The following CHODL variants were observed in gnomAD, a reference collection of about 807,000 sequenced individuals.
CHODL encodes transmembrane protein MT75.
Under a neutral mutation model 34.5 loss-of-function variants are expected in CHODL, and 29 were observed. The observed-to-expected ratio is 0.84, with a 90% CI of 0.63 to 1.15. CHODL has a LOEUF of 1.15. CHODL is among the 50% of genes most tolerant of loss of function. The pLI is 0.00. For synonymous variants in CHODL, 125 were observed against 116.1 expected (o/e 1.08, Z -0.49); for missense variants, 332 against 332.5 (o/e 1.00, Z 0.01).
intron 2 of CHODL, among the ~76,000 whole-genome samples, chr21:18,168,225 T>C (rs2073181885): frequency 6.6e-6 from 1 of 152,212 alleles, no homozygotes; most frequent in Admixed American, 6.5e-5. Flanking sequence ...AGCTTGCAGA[T>C]GGTGGGACTT....
rs1250169835 is a variant in CHODL, at chr21:18,022,362, T to A, written c.-144-5510T>A. 3.9e-5 allele frequency: 6 copies of A among 152,198 alleles called. 1 individual carries two copies. The highest frequency in any genetic ancestry group is 1.4e-4 in the African/African-American group (6 of 41,444). 9.4% of individuals were successfully genotyped at this position (152,198 alleles called of 1,614,324 possible). A position where few individuals can be genotyped will look rare whatever the true frequency, so the allele number is the denominator to read the frequency against. ...CTCATATTTTCTTGTCTTTCTCATA[T>A]AAGAATATTTTTCTTTGGATATAGG... On this transcript the variant is annotated intron_variant, in intron 1 of 6. Transcript: ENST00000400127.
At chr21:17,998,990 T>G (rs989229865) in intron 1 of CHODL, among the ~76,000 whole-genome samples, 1 of 152,364 alleles carries the variant, frequency 6.6e-6, no homozygotes, top group East Asian at 1.9e-4. Flanking sequence ...CCTACTGCAT[T>G]GTCAGGCTGC....
intron 1 of CHODL, among the ~76,000 whole-genome samples, chr21:18,252,854 A>G (rs2074274133): frequency 6.6e-6 from 1 of 152,000 alleles, no homozygotes; most frequent in Non-Finnish European, 1.5e-5. Flanking sequence ...CCGTGCAGCC[A>G]TCACAAGCTC....
At chr21:18,070,025 T>TTCCCTTCCCTTCCCTTCC (rs1555860424) in intron 2 of CHODL, among the ~76,000 whole-genome samples, 31 of 29,128 alleles carry the variant, frequency 1.1e-3, no homozygotes, top group Non-Finnish European at 2.3e-3. Flanking sequence ...TTCCCTTCCC[T>TTCCCTTCCCTTCCCTTCC]CCCCCCCCCC....
chr21:18,166,589 GATGT>G (rs1264118791), intron 2 of CHODL, among the ~76,000 whole-genome samples: 2 of 152,010 alleles, frequency 1.3e-5, no homozygotes, highest in Non-Finnish European at 2.9e-5. Context: ...CGGGGTTTGA[GATGT>G]ATGTGAGTAC....
chr21:18,141,622 G>A (rs1456568654), intron 2 of CHODL, among the ~76,000 whole-genome samples: 3 of 151,782 alleles, frequency 2.0e-5, no homozygotes, highest in Non-Finnish European at 1.5e-5. Flanking sequence ...GCGGCATTTG[G>A]AAATGCCTAG....
At chr21:17,958,719 C>A (rs950292484) in intron 1 of CHODL, among the ~76,000 whole-genome samples, 2 of 152,114 alleles carry the variant, frequency 1.3e-5, no homozygotes, top group East Asian at 3.9e-4. Context: ...TCTAAAATTT[C>A]TGGAAATATC....
At chr21:18,154,217 C>T (rs1361838219) in intron 2 of CHODL, among the ~76,000 whole-genome samples, 2 of 152,130 alleles carry the variant, frequency 1.3e-5, no homozygotes, top group African/African-American at 4.8e-5. Context: ...TTTATTTACT[C>T]AGCAATATAT....
At chr21:18,040,396 A>G (rs1299817365) in intron 2 of CHODL, among the ~76,000 whole-genome samples, 1 of 151,886 alleles carries the variant, frequency 6.6e-6, no homozygotes. Context: ...GTGGCTCACC[A>G]AAGTACAGGC....
At chr21:17,977,913 C>A in intron 1 of CHODL, among the ~76,000 whole-genome samples, 1 of 19,698 alleles carries the variant, frequency 5.1e-5, no homozygotes, top group South Asian at 8.8e-4. Context: ...GCAACACTCC[C>A]ATCTCAAAAA....
At chr21:18,068,569 C>G (rs926483826) in intron 2 of CHODL, among the ~76,000 whole-genome samples, 1 of 152,180 alleles carries the variant, frequency 6.6e-6, no homozygotes, top group African/African-American at 2.4e-5. Context: ...CTTAATCCAA[C>G]TGGGCCTCAT....
chr21:17,929,612 G>A (rs2063255275), intron 1 of CHODL, among the ~76,000 whole-genome samples: 1 of 152,204 alleles, frequency 6.6e-6, no homozygotes, highest in African/African-American at 2.4e-5. Flanking sequence ...AGGGCTGAGT[G>A]AGCAACCCCT....
At chr21:18,044,667 T>A (rs2064419751) in intron 2 of CHODL, among the ~76,000 whole-genome samples, 1 of 151,916 alleles carries the variant, frequency 6.6e-6, no homozygotes, top group South Asian at 2.1e-4. Context: ...TTCCTTTAGA[T>A]CGATTACAAT....
At chr21:18,262,584 T>A (rs1489644050) in intron 4 of CHODL, among the ~76,000 whole-genome samples, 2 of 152,216 alleles carry the variant, frequency 1.3e-5, no homozygotes, top group African/African-American at 4.8e-5. Context: ...CACTGTCACA[T>A]ATGTGATGCA....
At chr21:18,128,169 C>T (rs530146371) in intron 2 of CHODL, among the ~76,000 whole-genome samples, 2 of 150,794 alleles carry the variant, frequency 1.3e-5, no homozygotes, top group Admixed American at 6.6e-5. Flanking sequence ...GGCGTGGTGG[C>T]GGGCGCCTGT....
intron 1 of CHODL, among the ~76,000 whole-genome samples, chr21:17,969,825 G>A (rs1341168234): frequency 6.6e-6 from 1 of 152,120 alleles, no homozygotes; most frequent in African/African-American, 2.4e-5. Flanking sequence ...ATGACTTTAA[G>A]GCTTCTTAAT....
chr21:18,053,008 C>T (rs1328678818), intron 2 of CHODL, among the ~76,000 whole-genome samples: 1 of 151,830 alleles, frequency 6.6e-6, no homozygotes, highest in Non-Finnish European at 1.5e-5. Context: ...ATTAGGTACA[C>T]TGTGTGCATT....
intron 2 of CHODL, among the ~76,000 whole-genome samples, chr21:18,205,065 A>G (rs925577590): frequency 2.0e-5 from 3 of 152,184 alleles, no homozygotes; most frequent in Admixed American, 2.0e-4. Context: ...AACAGGTGCC[A>G]CTAGGATGCC....
At chr21:17,944,601 A>G (rs1031792469) in intron 1 of CHODL, among the ~76,000 whole-genome samples, 19 of 152,238 alleles carry the variant, frequency 1.2e-4, no homozygotes, top group African/African-American at 4.6e-4. Flanking sequence ...GCCCAACTGC[A>G]GATTCCAAAT....
Sources: gnomAD v4.1 joint callset for allele counts (sites outside exome capture counted in the v4.1 genomes callset) on GRCh38, gnomAD v4.1.1 for gene constraint, MANE v1.5 for transcripts, NCBI Gene and HGNC (gene_info 2026-07-23, HGNC 2026-07-21) for gene names.